Variants in WDR1 observed in about 807,000 individuals in gnomAD.
WDR1 encodes WD repeat domain 1.
Under a neutral mutation model 71.9 loss-of-function variants are expected in WDR1, and 21 were observed. The observed-to-expected ratio is 0.29, with a 90% confidence interval of 0.21 to 0.42. WDR1 has a LOEUF of 0.42. WDR1 is among the 10% of genes least tolerant of loss of function. WDR1 has a pLI of 1.00. For synonymous variants in WDR1, 424 were observed against 347.4 expected, an observed-to-expected ratio of 1.22 and a Z score of -2.45; for missense variants, 696 against 824.5, an observed-to-expected ratio of 0.84 and a Z score of 1.91.
In WDR1 at chr4:10,077,934, A is replaced by G. The variant is rs1336081726; in HGVS notation, c.1396-8T>C. The G allele has an allele frequency of 1.3e-6, 2 of 1,595,360 alleles. No individual in the cohort carries two copies. Among genetic ancestry groups the G allele is most frequent in the East Asian group, 4.5e-5 (2 of 44,256 alleles). Reference sequence around the variant, plus strand: ...CAGGCGGACGTTGCCGTCCTACGGCAGGGACAGAGAGGAAGTGAGCCACCC... The same window carrying G: ...CAGGCGGACGTTGCCGTCCTACGGCGGGGACAGAGAGGAAGTGAGCCACCC... On this transcript the variant is annotated splice_region_variant and splice_polypyrimidine_tract_variant and intron_variant, in intron 12 of 14. Transcript: ENST00000499869.
chr4:10,084,649 G>C (rs1014192768), intron 8 of WDR1, 119 bp from the exon 9 acceptor site: 31 of 909,420 alleles, frequency 3.4e-5, no homozygotes, highest in African/African-American at 3.2e-4. Context: ...TCAATCCATG[G>C]CAGTGCAGGT....
chr4:10,088,697 C>A lies in WDR1; in HGVS notation c.603G>T (p.Gly201=), dbSNP rs748708224. The A allele has an allele frequency of 2.5e-6, 4 of 1,607,766 alleles. No homozygotes were observed. The East Asian group carries it at 8.9e-5, about 36-fold the overall frequency. The change falls in exon 6 of 15, where the codon GGG becomes GGT. Residue 201 remains glycine, a synonymous_variant. Coordinates refer to ENST00000499869, the MANE Select transcript of WDR1 (RefSeq NM_017491.5). ...CAGCACTGGCTGTGGCAAATCTGTT[C>A]CCATCAGGAGAGAATCGCACACAGT... ...FVNCVRFSPD[G]NRFATASADG... is the part of the protein sequence containing the mutation.
rs1247793204 is a variant in WDR1 at position 10,116,299 on chromosome 4, G to C, written c.17-65C>G. On this transcript the variant is annotated intron_variant, in intron 1 of 14. Coordinates refer to ENST00000499869, the MANE Select transcript of WDR1 (RefSeq NM_017491.5). ...GCGGGGACGGCGGGGACAGAAGGGA[G>C]AAGGAGCCCCGGACCGGTCTCGGCC... 1.9e-6 allele frequency: 3 copies of C among 1,606,268 alleles called. No homozygotes were observed. The East Asian group carries it at 6.7e-5, about 36-fold the overall frequency.
At chr4:10,103,131 A>T (rs1712781251) in intron 3 of WDR1, among the ~76,000 whole-genome samples, 1 of 152,208 alleles carries the variant, frequency 6.6e-6, no homozygotes, top group South Asian at 2.1e-4. Context: ...TGAGCCACAC[A>T]AAAGCCCAGG....
chr4:10,109,950 T>C (rs1713250975), intron 2 of WDR1, among the ~76,000 whole-genome samples: 3 of 152,322 alleles, frequency 2.0e-5, no homozygotes, highest in Admixed American at 6.5e-5. Flanking sequence ...AATCTTACAC[T>C]GATCCCATGA....
intron 2 of WDR1, 69 bp from the exon 3 acceptor site, chr4:10,104,055 A>G: frequency 6.9e-7 from 1 of 1,440,192 alleles, no homozygotes; most frequent in Non-Finnish European, 9.6e-7. Flanking sequence ...TCTCCACATC[A>G]ACAGATATGG....
chr4:10,089,144 T>C (rs1711799614), intron 5 of WDR1, among the ~76,000 whole-genome samples: 1 of 152,218 alleles, frequency 6.6e-6, no homozygotes, highest in Admixed American at 6.5e-5. Context: ...TGTCTGGCTC[T>C]GTTGCCCAGG....
chr4:10,099,718 T>G lies in WDR1; in HGVS notation c.230-579A>C, dbSNP rs377301747. Among the ~76,000 whole-genome samples, 4 of 152,376 alleles carry G rather than the reference T, an allele frequency of 2.6e-5. No individual in the cohort carries two copies. The East Asian group carries it at 7.7e-4, about 29-fold the overall frequency. The stretch of plus-strand genomic sequence containing the variant: ...ACCTGGGCCTGCAGACCGGGCTTCC[T>G]GTGCAGCTTCCCAACAGCGTGCTGC... On this transcript the variant is annotated intron_variant, in intron 3 of 14. Transcript: ENST00000499869.
intron 9 of WDR1, chr4:10,083,598 C>T (rs1359369460): frequency 4.1e-6 from 2 of 483,430 alleles, no homozygotes; most frequent in Non-Finnish European, 8.2e-6. Context: ...TTGGGAGGTA[C>T]AGCACATGCG....
chr4:10,098,029 G>A (rs1712458500), intron 4 of WDR1, 138 bp from the exon 5 acceptor site: 1 of 883,772 alleles, frequency 1.1e-6, no homozygotes, highest in Non-Finnish European at 1.7e-6. Context: ...GAACGCCACA[G>A]GGACAAATGA....
Position 10,077,759 on chromosome 4 carries a change from G to T in WDR1, c.1563C>A (p.Gly521=), listed in dbSNP as rs750719810. Residue 521 remains glycine (G), a synonymous_variant, in exon 13 of 15, where the codon GGC becomes GGA. Transcript: ENST00000499869. ...KVVTVFSVAD[G]YSENNVFYGH... ...GGAGCCCGCCGCCACTCACCGAGTA[G>T]CCGTCAGCAACGCTGAACACTGTGA... The T allele has an allele frequency of 6.3e-7, 1 of 1,585,998 alleles. No individual in the cohort carries two copies. Among genetic ancestry groups the T allele is most frequent in the Admixed American group, 1.8e-5 (1 of 56,640 alleles).
rs1764726744 is a variant in WDR1 at position 10,074,671 on chromosome 4, A to C, written c.*707T>G. The C allele has an allele frequency of 6.6e-6, 1 of 152,658 alleles. No homozygotes were observed. The highest frequency in any genetic ancestry group is 1.9e-4 in the East Asian group (1 of 5,192). 9.5% of individuals were successfully genotyped at this position (152,658 alleles called of 1,614,324 possible). A position where few individuals can be genotyped will look rare whatever the true frequency, so the allele number is the denominator to read the frequency against. On this transcript the variant is annotated 3_prime_UTR_variant, in exon 15 of 15. Transcript: ENST00000499869. ...CCAGGACACCTCGGTCTGGCTAACAAGGGTTCTAAAAACTTGGACACGGTG... is the reference window on the plus strand; with the variant it reads ...CCAGGACACCTCGGTCTGGCTAACACGGGTTCTAAAAACTTGGACACGGTG...
intron 2 of WDR1, among the ~76,000 whole-genome samples, chr4:10,104,855 C>T (rs1712925332): frequency 6.6e-6 from 1 of 152,214 alleles, no homozygotes; most frequent in Non-Finnish European, 1.5e-5. Context: ...TTCCCGCCAG[C>T]TTGAGGCTTA....
intron 14 of WDR1, 171 bp downstream of exon 14, chr4:10,077,125 CCAGCAGCG>C: frequency 1.1e-6 from 1 of 923,174 alleles, no homozygotes; most frequent in Non-Finnish European, 1.6e-6. Context: ...CTCAGTACGG[CCAGCAGCG>C]CAGCTGGTGT....
intron 3 of WDR1, among the ~76,000 whole-genome samples, chr4:10,103,540 C>T (rs1165285143): frequency 1.3e-5 from 2 of 151,894 alleles, no homozygotes; most frequent in Non-Finnish European, 2.9e-5. Context: ...CCCTGGGCCA[C>T]AGATAAAATA....
chr4:10,097,636 G>T, intron 5 of WDR1, 75 bp downstream of exon 5: 2 of 1,503,998 alleles, frequency 1.3e-6, no homozygotes. Context: ...TCTGCCATCA[G>T]CATCTAAACA....
At chr4:10,078,340 G>A (rs550679957) in intron 12 of WDR1, among the ~76,000 whole-genome samples, 1 of 152,180 alleles carries the variant, frequency 6.6e-6, no homozygotes, top group African/African-American at 2.4e-5. Flanking sequence ...CTTCTACAGA[G>A]CACTCAGGAC....
intron 8 of WDR1, among the ~76,000 whole-genome samples, 167 bp from the exon 9 acceptor site, chr4:10,084,697 C>T (rs893629986): frequency 3.3e-5 from 5 of 152,160 alleles, no homozygotes; most frequent in African/African-American, 7.2e-5. Flanking sequence ...CCCGAATGCA[C>T]GGCCCACGAG....
chr4:10,083,799 G>A (rs906000816), intron 9 of WDR1, among the ~76,000 whole-genome samples: 2 of 152,196 alleles, frequency 1.3e-5, no homozygotes, highest in African/African-American at 4.8e-5. Flanking sequence ...AGGCCATGCA[G>A]GAAAAACACA....
Sources: gnomAD v4.1 joint callset for allele counts (sites outside exome capture counted in the v4.1 genomes callset) on GRCh38, gnomAD v4.1.1 for gene constraint, MANE v1.5 for transcripts, NCBI Gene and HGNC (gene_info 2026-07-23, HGNC 2026-07-21) for gene names.